CCNI2: variants seen among roughly 807,000 people sequenced by gnomAD.
The protein encoded by CCNI2 is cyclin-I2.
In CCNI2, 32 loss-of-function variants were observed where a neutral mutation model predicts 33.2. The ratio of observed to expected loss-of-function variants is 0.96; its 90% CI spans 0.73 to 1.30. CCNI2 has a LOEUF of 1.30. Among genes scored for constraint, CCNI2 ranks in the 50% most tolerant of loss-of-function variants. The probability of loss-of-function intolerance (pLI) is 0.00; values close to 1 mark genes in which losing one functional copy is unlikely to be tolerated. For synonymous variants in CCNI2, 231 were observed against 219.9 expected, an observed-to-expected ratio of 1.05 and a Z score of -0.45; for missense variants, 452 against 486.2, an observed-to-expected ratio of 0.93 and a Z score of 0.66.
At position 132,753,045 on chromosome 5, in the gene CCNI2, GC is replaced by G; in HGVS notation, c.*76del. The stretch of plus-strand genomic sequence containing the variant: ...TGCTTGGACTACCATGAGTTCTTTG[GC>G]TTGTTATGAATCCTGTAAAAAGGGA... On this transcript the variant is annotated 3_prime_UTR_variant, in exon 6 of 6. Transcript: ENST00000378731. 1 of 1,202,952 alleles carries G rather than the reference GC, an allele frequency of 8.3e-7. No homozygotes were observed. The highest frequency in any genetic ancestry group is 1.2e-6 in the Non-Finnish European group (1 of 814,566). The allele number at this position is 1,202,952 out of a possible 1,614,324, so 74.5% of individuals were successfully genotyped here. A position where few individuals can be genotyped will look rare whatever the true frequency, so the allele number is the denominator to read the frequency against.
rs1002872515 is a variant in CCNI2 at position 132,753,628 on chromosome 5, G to A, written c.*658G>A. On this transcript the variant is annotated 3_prime_UTR_variant, in exon 6 of 6. Transcript: ENST00000378731. ...CATATCTTTCCTTTGTTACTCTTAA[G>A]CAAAGTGGTTTCAGTTATTAGTTTA... 1 of 152,518 alleles carries A rather than the reference G, an allele frequency of 6.6e-6. No homozygotes were observed. Among genetic ancestry groups the A allele is most frequent in the Non-Finnish European group, 1.5e-5 (1 of 68,270 alleles). 9.4% of individuals were successfully genotyped at this position (152,518 alleles called of 1,614,324 possible).
At chr5:132,750,791 G>T in intron 3 of CCNI2, 66 bp from the exon 4 acceptor site, 1 of 1,546,186 alleles carries the variant, frequency 6.5e-7, no homozygotes, top group Non-Finnish European at 8.8e-7. Flanking sequence ...CAGTCCCCAT[G>T]GGTAAGAAAA....
Position 132,748,346 on chromosome 5 carries a change from G to C in CCNI2, c.430-1G>C. 6.2e-7 allele frequency: 1 copy of C among 1,614,072 alleles called. No individual in the cohort carries two copies. The highest frequency in any genetic ancestry group is 8.5e-7 in the Non-Finnish European group (1 of 1,179,984). ...GCCCCACCTGCTCTTCTTCCTAGCA[G>C]GATGAAATCTGCGACGCCTTCGAGG... is the stretch of plus-strand genomic sequence containing the variant. On this transcript the variant is annotated splice_acceptor_variant, in intron 1 of 5. Coordinates refer to ENST00000378731, the MANE Select transcript of CCNI2 (RefSeq NM_001039780.4). LOFTEE classifies it high-confidence loss of function.
chr5:132,749,927 T>C (rs1754738237), intron 3 of CCNI2, among the ~76,000 whole-genome samples: 1 of 152,162 alleles, frequency 6.6e-6, no homozygotes, highest in Non-Finnish European at 1.5e-5. Flanking sequence ...ATTTCAGGCA[T>C]GGCTGGATGG....
chr5:132,748,590 C>G (rs1581115144), intron 2 of CCNI2, 115 bp downstream of exon 2: 1 of 1,296,044 alleles, frequency 7.7e-7, no homozygotes, highest in East Asian at 2.3e-5. Context: ...GGTGTATAAA[C>G]TAACTTGCTC....
At chr5:132,752,238 C>T in intron 5 of CCNI2, 42 bp downstream of exon 5, 1 of 1,530,242 alleles carries the variant, frequency 6.5e-7, no homozygotes, top group Non-Finnish European at 8.8e-7. Flanking sequence ...TGTGTTTTGC[C>T]CCTTTAGCTG....
At chr5:132,751,795 A>C (rs1179848243) in intron 4 of CCNI2, 171 bp from the exon 5 acceptor site, 3 of 743,916 alleles carry the variant, frequency 4.0e-6, no homozygotes, top group East Asian at 5.5e-5. Context: ...CAGCTTGGCC[A>C]CAGGATGGGC....
chr5:132,754,384 G>A lies in CCNI2; in HGVS notation c.*1414G>A, dbSNP rs544467316. The A allele has an allele frequency of 1.4e-6, 1 of 717,332 alleles. No homozygotes were observed. The highest frequency in any genetic ancestry group is 1.5e-5 in the South Asian group (1 of 67,590). The allele number at this position is 717,332 out of a possible 1,614,324, so 44.4% of individuals were successfully genotyped here. ...CAGTGTAAGTGGGACCACAGTGCAT[G>A]AGGCAGAAGGACATCCTGAGGGCCC... On this transcript the variant is annotated 3_prime_UTR_variant, in exon 6 of 6. Coordinates refer to ENST00000378731, the MANE Select transcript of CCNI2 (RefSeq NM_001039780.4).
chr5:132,752,808 C>T, intron 5 of CCNI2, 58 bp from the exon 6 acceptor site: 1 of 1,502,444 alleles, frequency 6.7e-7, no homozygotes, highest in Non-Finnish European at 9.2e-7. Context: ...ACTCAATTGC[C>T]AATTTCTTAG....
rs1191238917 is a variant in CCNI2, at chr5:132,747,750, CG to C, written c.258del (p.Thr88ProfsTer95). The C allele has an allele frequency of 6.8e-7, 1 of 1,469,792 alleles. No individual in the cohort carries two copies. The highest frequency in any genetic ancestry group is 8.9e-7 in the Non-Finnish European group (1 of 1,119,030). 91.0% of individuals were successfully genotyped at this position (1,469,792 alleles called of 1,614,324 possible). On this transcript the variant is annotated frameshift_variant, in exon 1 of 6. Coordinates refer to ENST00000378731, the MANE Select transcript of CCNI2 (RefSeq NM_001039780.4). LOFTEE classifies it high-confidence loss of function. This position sits in a 1 kb window ranked among gnomAD's most constrained non-coding sequence, Gnocchi z 4.1. ...GGCCCCGGCGCGGTACGGCGCCAGC[CG>C]GGAAAACCGCAGACGCGGTCCCCGC... ...VRPRRGTAPA[G>X]KTADAVPAAA...
chr5:132,754,404 G>C (rs1755147929), downstream of CCNI2: 4 of 717,422 alleles, frequency 5.6e-6, no homozygotes, highest in Non-Finnish European at 1.0e-5. Flanking sequence ...GACATCCTGA[G>C]GGCCCATACC....
chr5:132,755,096 A>ATACTT (rs1473387551), downstream of CCNI2, among the ~76,000 whole-genome samples: 1 of 152,090 alleles, frequency 6.6e-6, no homozygotes, highest in Non-Finnish European at 1.5e-5. Context: ...AGCTTGGTGA[A>ATACTT]TACTTTACTT....
chr5:132,747,514 C>A lies in CCNI2; in HGVS notation c.19C>A (p.Leu7Ile). Residue 7 changes from leucine to isoleucine, a missense_variant, in exon 1 of 6, where the codon CTC (leucine) becomes ATC (isoleucine). Transcript: ENST00000378731. The surrounding 1 kb of genome is among the most constrained non-coding windows in gnomAD (Gnocchi z 4.1). The stretch of plus-strand genomic sequence containing the variant: ...TCACGACATGGCCTCGGGCGCTCAG[C>A]TCCCGCCGCAGCCGTCGAGCTCAGA... The part of the protein sequence containing the change: MASGAQ[L>I]PPQPSSSEVS... 6.7e-7 allele frequency: 1 copy of A among 1,486,868 alleles called. No homozygotes were observed. Among genetic ancestry groups the A allele is most frequent in the Non-Finnish European group, 8.9e-7 (1 of 1,125,886 alleles). 92.1% of individuals were successfully genotyped at this position (1,486,868 alleles called of 1,614,324 possible).
intron 2 of CCNI2, 23 bp from the exon 3 acceptor site, chr5:132,749,325 A>C: frequency 6.3e-7 from 1 of 1,592,142 alleles, no homozygotes; most frequent in Non-Finnish European, 8.6e-7. Flanking sequence ...ATTCTGCTCA[A>C]ATGTGTTTGT....
At chr5:132,751,259 C>G (rs1425045088) in intron 4 of CCNI2, 1 of 383,734 alleles carries the variant, frequency 2.6e-6, no homozygotes, top group Non-Finnish European at 4.6e-6. Context: ...GTGAGTTTCT[C>G]TTTTAAATAC....
In CCNI2 at chr5:132,747,455, C is replaced by G. The variant is rs760823220; in HGVS notation, c.-41C>G. 5.5e-5 allele frequency: 76 copies of G among 1,393,092 alleles called. No individual in the cohort carries two copies. The highest frequency in any genetic ancestry group is 6.7e-5 in the Non-Finnish European group (72 of 1,079,192). The allele number at this position is 1,393,092 out of a possible 1,614,324, so 86.3% of individuals were successfully genotyped here. A position where few individuals can be genotyped will look rare whatever the true frequency, so the allele number is the denominator to read the frequency against. On this transcript the variant is annotated 5_prime_UTR_variant, in exon 1 of 6. Transcript: ENST00000378731. The surrounding 1 kb of genome is among the most constrained non-coding windows in gnomAD (Gnocchi z 4.1). ...TTCCGGGAGCTGGGTTATAAAATGC[C>G]GGGTTAAGCGGCAACTCAGACTCAG...
intron 3 of CCNI2, among the ~76,000 whole-genome samples, chr5:132,750,541 G>C (rs1185601611): frequency 6.6e-6 from 1 of 152,146 alleles, no homozygotes; most frequent in Non-Finnish European, 1.5e-5. Flanking sequence ...GGAAAGCTTG[G>C]GGTGAGTTCT....
At chr5:132,749,930 C>T (rs555940677) in intron 3 of CCNI2, among the ~76,000 whole-genome samples, 40 of 152,234 alleles carry the variant, frequency 2.6e-4, no homozygotes, top group African/African-American at 8.9e-4. Flanking sequence ...TCAGGCATGG[C>T]TGGATGGCTG....
At position 132,754,351 on chromosome 5, in the gene CCNI2, C is replaced by T. The variant is rs1755143165; in HGVS notation, c.*1381C>T. The T allele has an allele frequency of 1.4e-6, 1 of 713,988 alleles. No individual in the cohort carries two copies. Among genetic ancestry groups the T allele is most frequent in the Admixed American group, 2.0e-5 (1 of 49,858 alleles). 44.2% of individuals were successfully genotyped at this position (713,988 alleles called of 1,614,324 possible). A position where few individuals can be genotyped will look rare whatever the true frequency, so the allele number is the denominator to read the frequency against. On this transcript the variant is annotated 3_prime_UTR_variant, in exon 6 of 6. Transcript: ENST00000378731. ...GTGGCCGTTGAGTGCCCTCTGCCTC[C>T]TTCCTTCCAGTGTAAGTGGGACCAC...
Sources: gnomAD v4.1 joint callset for allele counts (sites outside exome capture counted in the v4.1 genomes callset) on GRCh38, gnomAD v4.1.1 for gene constraint, Gnocchi (gnomAD v3.1) non-coding constraint, MANE v1.5 for transcripts, NCBI Gene and HGNC (gene_info 2026-07-23, HGNC 2026-07-21) for gene names.